Variants in DPYD observed in about 807,000 individuals in gnomAD.
The protein encoded by DPYD is dihydropyrimidine dehydrogenase.
Under a neutral mutation model 116.2 loss-of-function variants are expected in DPYD, and 109 were observed. The ratio of observed to expected loss-of-function variants is 0.94; its 90% CI spans 0.80 to 1.10. The LOEUF (loss-of-function observed/expected upper bound fraction) is 1.10. Ranked by LOEUF, DPYD falls within the 50% of genes least tolerant of loss-of-function variation. The probability of loss-of-function intolerance (pLI) is 0.00; values close to 1 mark genes in which losing one functional copy is unlikely to be tolerated. For missense variants in DPYD, 1,302 were observed against 1,254.5 expected (o/e 1.04, Z -0.57); for synonymous variants, 440 against 432.0 (o/e 1.02, Z -0.23).
At chr1:97,506,438 G>A (rs1647336362) in intron 13 of DPYD, among the ~76,000 whole-genome samples, 1 of 151,882 alleles carries the variant, frequency 6.6e-6, no homozygotes, top group Admixed American at 6.6e-5. Context: ...GACAGAATAA[G>A]GGTAAAATCA....
At chr1:97,561,992 C>T (rs1652184796) in intron 11 of DPYD, among the ~76,000 whole-genome samples, 2 of 152,178 alleles carry the variant, frequency 1.3e-5, no homozygotes, top group Admixed American at 1.3e-4. Flanking sequence ...ACTTTATTTG[C>T]ATGCATCTTT....
intron 18 of DPYD, among the ~76,000 whole-genome samples, chr1:97,261,511 TTTTTTA>T (rs1251549719): frequency 2.2e-5 from 2 of 91,252 alleles, no homozygotes; most frequent in African/African-American, 9.1e-5. Flanking sequence ...TTTTTTTTTT[TTTTTTA>T]AAAAAGAACG....
intron 13 of DPYD, among the ~76,000 whole-genome samples, chr1:97,477,669 G>A (rs1217826669): frequency 2.1e-5 from 3 of 146,270 alleles, no homozygotes; most frequent in Non-Finnish European, 4.5e-5. Flanking sequence ...GCCGGACTGC[G>A]GACTGCAGTG....
intron 19 of DPYD, among the ~76,000 whole-genome samples, chr1:97,204,689 G>A (rs1659471211): frequency 6.6e-6 from 1 of 152,166 alleles, no homozygotes; most frequent in African/African-American, 2.4e-5. Flanking sequence ...CCCTTACTCA[G>A]AGGGTTTTTT....
intron 20 of DPYD, among the ~76,000 whole-genome samples, chr1:97,144,842 C>G (rs1346850403): frequency 6.6e-6 from 1 of 152,170 alleles, no homozygotes; most frequent in Non-Finnish European, 1.5e-5. Flanking sequence ...TTTTTTCTTA[C>G]AAATCACTTT....
chr1:97,478,042 A>G (rs758084766), intron 13 of DPYD, among the ~76,000 whole-genome samples: 5 of 152,214 alleles, frequency 3.3e-5, no homozygotes, highest in Admixed American at 1.3e-4. Context: ...TTGAAAGTCA[A>G]AATTACTCCA....
intron 2 of DPYD, among the ~76,000 whole-genome samples, chr1:97,881,822 T>C (rs1309015913): frequency 6.6e-6 from 1 of 151,752 alleles, no homozygotes; most frequent in Non-Finnish European, 1.5e-5. Flanking sequence ...TTAAGGGCTT[T>C]CTAAGTTTAA....
At chr1:97,545,261 C>T (rs1650748161) in intron 12 of DPYD, among the ~76,000 whole-genome samples, 1 of 152,092 alleles carries the variant, frequency 6.6e-6, no homozygotes, top group Non-Finnish European at 1.5e-5. Flanking sequence ...TATTCTGAGA[C>T]TCTAGCCTTT....
chr1:97,902,770 T>C (rs1673429047), intron 1 of DPYD, among the ~76,000 whole-genome samples: 1 of 151,824 alleles, frequency 6.6e-6, no homozygotes, highest in Non-Finnish European at 1.5e-5. Flanking sequence ...CAGAATATTT[T>C]CCTAAAGGAG....
intron 3 of DPYD, among the ~76,000 whole-genome samples, chr1:97,807,065 A>G (rs1037116096): frequency 2.0e-5 from 3 of 152,028 alleles, no homozygotes; most frequent in Admixed American, 6.6e-5. Context: ...TTCATCTTCT[A>G]AAGAACATAT....
rs1649223892 is a variant in DPYD at position 97,082,430 on chromosome 1, C to A, written c.2807G>T (p.Gly936Val). 6.2e-7 allele frequency: 1 copy of A among 1,613,496 alleles called. No individual in the cohort carries two copies. Among genetic ancestry groups the A allele is most frequent in the Non-Finnish European group, 8.5e-7 (1 of 1,179,660 alleles). ...AACTTGCTCTACGTTGCTCAATTCACCAAATGTTCCAAGGTACTGCAGTGC... is the reference window on the plus strand; with the variant it reads ...AACTTGCTCTACGTTGCTCAATTCAACAAATGTTCCAAGGTACTGCAGTGC... ...GKALQYLGTF[G>V]ELSNVEQVVA... The change falls in exon 22 of 23, where the codon GGT (glycine) becomes GTT (valine). Residue 936 changes from glycine to valine, a missense_variant. Gly to Val is a moderately radical substitution (Grantham distance 109). Transcript: ENST00000370192.
intron 20 of DPYD, among the ~76,000 whole-genome samples, chr1:97,104,443 A>T (rs1474698410): frequency 6.6e-6 from 1 of 152,134 alleles, no homozygotes; most frequent in Non-Finnish European, 1.5e-5. Context: ...TATAGAAAGG[A>T]TAGTGTGTGA....
intron 20 of DPYD, among the ~76,000 whole-genome samples, chr1:97,111,487 G>T (rs1197305941): frequency 6.6e-6 from 1 of 151,292 alleles, no homozygotes; most frequent in Non-Finnish European, 1.5e-5. Context: ...ACATTTACTG[G>T]GTTTTTTTTT....
chr1:97,419,697 T>C (rs1028143234), intron 14 of DPYD, among the ~76,000 whole-genome samples: 4 of 152,172 alleles, frequency 2.6e-5, no homozygotes, highest in African/African-American at 9.7e-5. Flanking sequence ...ATATTAAGCA[T>C]ACAGTTCTGC....
intron 16 of DPYD, among the ~76,000 whole-genome samples, chr1:97,329,133 T>A (rs1668852925): frequency 6.6e-6 from 1 of 152,088 alleles, no homozygotes; most frequent in East Asian, 1.9e-4. Context: ...AAAAGAAGAA[T>A]AATAGTAAAT....
chr1:97,401,013 G>C (rs1673342981), intron 14 of DPYD, among the ~76,000 whole-genome samples: 1 of 152,088 alleles, frequency 6.6e-6, no homozygotes, highest in South Asian at 2.1e-4. Flanking sequence ...TATTCTAATA[G>C]ATGTGTAGTG....
At position 97,679,301 on chromosome 1, in the gene DPYD, G is replaced by A. The variant is rs545036100; in HGVS notation, c.763-119C>T. ...AATTCTATGAGATTCCATATAAAATGTGACAACATTTTTGTCTTTTAGTAT... is the reference window on the plus strand; with the variant it reads ...AATTCTATGAGATTCCATATAAAATATGACAACATTTTTGTCTTTTAGTAT... On this transcript the variant is annotated intron_variant, in intron 7 of 22. Coordinates refer to ENST00000370192, the MANE Select transcript of DPYD (RefSeq NM_000110.4). The A allele has an allele frequency of 1.1e-4, 62 of 576,846 alleles. 1 individual carries two copies. The South Asian group carries it at 1.4e-3, about 13-fold the overall frequency. 35.7% of individuals were successfully genotyped at this position (576,846 alleles called of 1,614,324 possible).
intron 5 of DPYD, among the ~76,000 whole-genome samples, chr1:97,708,498 A>G (rs1310022844): frequency 1.3e-5 from 2 of 152,058 alleles, no homozygotes; most frequent in Non-Finnish European, 2.9e-5. Context: ...ATTCTGTTCC[A>G]GTGATCTATT....
chr1:97,594,024 C>A (rs1450480969), intron 9 of DPYD, among the ~76,000 whole-genome samples: 2 of 152,204 alleles, frequency 1.3e-5, no homozygotes, highest in African/African-American at 4.8e-5. Flanking sequence ...GCATCCATTT[C>A]TCAAGGTCAT....
Sources: allele counts gnomAD v4.1 joint callset (sites outside exome capture counted in the v4.1 genomes callset), GRCh38; gene constraint gnomAD v4.1.1; transcripts MANE v1.5; gene names NCBI Gene and HGNC (gene_info 2026-07-23, HGNC 2026-07-21).